ELAPOR1: variants seen among roughly 807,000 people sequenced by gnomAD.
ELAPOR1 encodes the protein endosome/lysosome-associated apoptosis and autophagy regulator 1.
In ELAPOR1, 77 loss-of-function variants were observed where a neutral mutation model predicts 119.7. That is an observed-to-expected ratio of 0.64 (90% confidence interval 0.54 to 0.78). The LOEUF (loss-of-function observed/expected upper bound fraction) is 0.78, where lower values mean the gene tolerates loss of function less well. ELAPOR1 is among the 30% of genes least tolerant of loss of function. The pLI, the probability that ELAPOR1 is intolerant of heterozygous loss-of-function variation, is 0.00. For missense variants in ELAPOR1, 1,115 were observed against 1,270.4 expected (o/e 0.88, Z 1.86); for synonymous variants, 481 against 487.2 (o/e 0.99, Z 0.17).
chr1:109,176,689 G>A (rs1378408964), intron 7 of ELAPOR1, among the ~76,000 whole-genome samples: 1 of 147,868 alleles, frequency 6.8e-6, no homozygotes, highest in Non-Finnish European at 1.5e-5. Flanking sequence ...AATAGTGGAG[G>A]GAAGGTCAGC....
chr1:109,144,310 C>T (rs1650045385), intron 1 of ELAPOR1, among the ~76,000 whole-genome samples: 1 of 151,208 alleles, frequency 6.6e-6, no homozygotes, highest in South Asian at 2.1e-4. Context: ...ACTTGGCCTC[C>T]CAAAGTGCTG....
At position 109,161,942 on chromosome 1, in the gene ELAPOR1, T is replaced by A. The variant is rs1558041070; in HGVS notation, c.202T>A (p.Trp68Arg). 6.2e-7 allele frequency: 1 copy of A among 1,614,042 alleles called. No homozygotes were observed. The highest frequency in any genetic ancestry group is 1.1e-5 in the South Asian group (1 of 91,082). ...GGCGTGTGACAGCACGGGTTCCAGG[T>A]GGAGGGTCGCCGTGCCGCATACCCC... is the stretch of plus-strand genomic sequence containing the variant. ...YTACDSTGSR[W>R]RVAVPHTPGL... is the part of the protein sequence containing the mutation. The change falls in exon 2 of 22, where the codon TGG becomes AGG. Residue 68 changes from tryptophan to arginine, a missense_variant. Physicochemically the swap from Trp to Arg is moderately radical, Grantham distance 101. Transcript: ENST00000369939.
At chr1:109,175,390 C>T (rs1652207325) in intron 7 of ELAPOR1, among the ~76,000 whole-genome samples, 2 of 150,612 alleles carry the variant, frequency 1.3e-5, no homozygotes, top group Admixed American at 6.6e-5. Context: ...TTAGTAGCGA[C>T]AGGGTTTCAT....
chr1:109,156,304 A>T (rs532534407), intron 1 of ELAPOR1, among the ~76,000 whole-genome samples: 3 of 150,520 alleles, frequency 2.0e-5, no homozygotes, highest in East Asian at 1.9e-4. Context: ...TCACCTATTT[A>T]AAAAAAAAAT....
chr1:109,191,504 C>T (rs746541867), intron 12 of ELAPOR1, 33 bp downstream of exon 12: 29 of 1,565,278 alleles, frequency 1.9e-5, no homozygotes, highest in Non-Finnish European at 2.6e-5. Flanking sequence ...GCTAGAGGGC[C>T]TCCAGGGGAG....
chr1:109,172,107 G>A lies in ELAPOR1; in HGVS notation c.615+94G>A, dbSNP rs535931558. 5.5e-5 allele frequency: 79 copies of A among 1,431,982 alleles called. 1 individual carries two copies. The Middle Eastern group carries it at 1.2e-3, about 23-fold the overall frequency. 88.7% of individuals were successfully genotyped at this position (1,431,982 alleles called of 1,614,324 possible). On this transcript the variant is annotated intron_variant, in intron 4 of 21. Coordinates refer to ENST00000369939, the MANE Select transcript of ELAPOR1 (RefSeq NM_020775.5). ...ATCCATCATGAGTGTAGCCCTGCTT[G>A]GGGGAATCACTGTTGTTTTCTCTCT...
chr1:109,149,436 C>A (rs34390100), intron 1 of ELAPOR1, among the ~76,000 whole-genome samples: 1 of 151,928 alleles, frequency 6.6e-6, no homozygotes, highest in African/African-American at 2.4e-5. Context: ...AGGGTGTTAC[C>A]CTCCCTGTTT....
At chr1:109,133,261 A>G (rs1051730362) in intron 1 of ELAPOR1, among the ~76,000 whole-genome samples, 4 of 152,128 alleles carry the variant, frequency 2.6e-5, no homozygotes, top group African/African-American at 7.2e-5. Context: ...AGAATGACAA[A>G]TGCAGAAAGA....
At chr1:109,165,567 A>C (rs1233163782) in intron 3 of ELAPOR1, among the ~76,000 whole-genome samples, 1 of 151,022 alleles carries the variant, frequency 6.6e-6, no homozygotes. Context: ...CTGGGCAACA[A>C]GAGTGAAACT....
intron 1 of ELAPOR1, among the ~76,000 whole-genome samples, chr1:109,149,069 T>C (rs1390170021): frequency 6.6e-6 from 1 of 152,082 alleles, no homozygotes; most frequent in Non-Finnish European, 1.5e-5. Context: ...GGGGAGTTGC[T>C]AGGGGAGAAA....
rs1652967806 is a variant in ELAPOR1, at chr1:109,185,126, A to G, written c.1034A>G (p.Asn345Ser). ...YFYTHTACDA[N>S]GETQLMYKWA... ...TACACACACACGGCCTGCGATGCCA[A>G]CGGAGAGGTGGGTAGTACAGTCTTG... The change falls in exon 8 of 22, where the codon AAC becomes AGC. Residue 345 changes from asparagine to serine, a missense_variant. By Grantham distance (46) the Asn-to-Ser change is conservative (BLOSUM62 1). Coordinates refer to ENST00000369939, the MANE Select transcript of ELAPOR1 (RefSeq NM_020775.5). 9.3e-6 allele frequency: 15 copies of G among 1,613,532 alleles called. No individual in the cohort carries two copies. The highest frequency in any genetic ancestry group is 8.3e-5 in the Admixed American group (5 of 60,010).
At chr1:109,144,051 A>ATT (rs1558029107) in intron 1 of ELAPOR1, among the ~76,000 whole-genome samples, 1 of 42,216 alleles carries the variant, frequency 2.4e-5, no homozygotes, top group African/African-American at 7.2e-5. Flanking sequence ...ATATATATAT[A>ATT]TATTTATATA....
intron 21 of ELAPOR1, among the ~76,000 whole-genome samples, chr1:109,201,646 G>T (rs17034458): frequency 0.085 from 12,943 of 152,216 alleles, 661 homozygotes; most frequent in Middle Eastern, 0.2. Flanking sequence ...CCGTGCTTGG[G>T]TGTTTAGATT....
Position 109,191,768 on chromosome 1 carries a change from G to T in ELAPOR1, c.1588G>T (p.Gly530Cys). Residue 530 changes from glycine to cysteine, a missense_variant, in exon 13 of 22, where the codon GGT becomes TGT. By Grantham distance (159) the Gly-to-Cys change is radical. Transcript: ENST00000369939. Reference protein sequence around the residue: ...RTNTPVETWKGSKGKQSYTYI... With the variant: ...RTNTPVETWKCSKGKQSYTYI... ...CAACACTCCTGTGGAGACGTGGAAAGGTTCCAAAGGCAAACAGTCCTATAC... is the reference window on the plus strand; with the variant it reads ...CAACACTCCTGTGGAGACGTGGAAATGTTCCAAAGGCAAACAGTCCTATAC... 1 of 1,614,214 alleles carries T rather than the reference G, an allele frequency of 6.2e-7. No homozygotes were observed. Among genetic ancestry groups the T allele is most frequent in the Non-Finnish European group, 8.5e-7 (1 of 1,180,048 alleles).
chr1:109,161,118 AC>A (rs1651219628), intron 1 of ELAPOR1, among the ~76,000 whole-genome samples: 3 of 152,208 alleles, frequency 2.0e-5, no homozygotes, highest in African/African-American at 7.2e-5. Context: ...CATAAGAAAC[AC>A]AGGGAAATAG....
intron 1 of ELAPOR1, among the ~76,000 whole-genome samples, chr1:109,125,812 C>T (rs977287306): frequency 6.6e-6 from 1 of 152,188 alleles, no homozygotes; most frequent in Non-Finnish European, 1.5e-5. Context: ...AGCAAGATGA[C>T]ACTAATGAGC....
At chr1:109,196,786 G>A (rs917015394) in intron 15 of ELAPOR1, among the ~76,000 whole-genome samples, 4 of 151,926 alleles carry the variant, frequency 2.6e-5, no homozygotes, top group African/African-American at 7.3e-5. Flanking sequence ...AGGTTGAAGC[G>A]ATTCTCCTGC....
At chr1:109,118,701 G>C (rs1168847396) in intron 1 of ELAPOR1, among the ~76,000 whole-genome samples, 1 of 152,096 alleles carries the variant, frequency 6.6e-6, no homozygotes, top group African/African-American at 2.4e-5. Flanking sequence ...AAGGATTTTG[G>C]AGTGGGAGAA....
At chr1:109,141,998 T>C (rs750603587) in intron 1 of ELAPOR1, among the ~76,000 whole-genome samples, 2 of 152,116 alleles carry the variant, frequency 1.3e-5, no homozygotes, top group Non-Finnish European at 2.9e-5. Flanking sequence ...GAATACATGC[T>C]GGAGAGAACT....
Sources: gnomAD v4.1 joint callset for allele counts (sites outside exome capture counted in the v4.1 genomes callset) on GRCh38, gnomAD v4.1.1 for gene constraint, MANE v1.5 for transcripts, NCBI Gene and HGNC (gene_info 2026-07-23, HGNC 2026-07-21) for gene names.